Variants in SPANXN3 observed in about 807,000 individuals in gnomAD.
SPANXN3 encodes SPANX family member N3.
SPANXN3 carries 1 observed loss-of-function variant against 1.9 expected under a neutral mutation model. The ratio of observed to expected loss-of-function variants is 0.54; its 90% CI spans 0.19 to 2.54. The LOEUF (loss-of-function observed/expected upper bound fraction) is 2.54, where lower values mean the gene tolerates loss of function less well. Among genes scored for constraint, SPANXN3 ranks in the 30% most tolerant of loss-of-function variants. The probability of loss-of-function intolerance (pLI) is 0.24; values close to 1 mark genes in which losing one functional copy is unlikely to be tolerated. For synonymous variants in SPANXN3, 47 were observed against 40.0 expected, an observed-to-expected ratio of 1.17 and a Z score of -0.66; for missense variants, 113 against 96.2, an observed-to-expected ratio of 1.17 and a Z score of -0.73.
intron 1 of SPANXN3, among the ~76,000 whole-genome samples, chrX:143,514,279 A>T (rs1369128575): frequency 4.5e-5 from 5 of 111,055 alleles, no homozygotes; most frequent in African/African-American, 1.6e-4. Flanking sequence ...ATTCAGGAAA[A>T]AATTGTTTGA....
chrX:143,513,919 C>T (rs1313319257), intron 1 of SPANXN3, among the ~76,000 whole-genome samples: 1 of 112,387 alleles, frequency 8.9e-6, no homozygotes, highest in Non-Finnish European at 1.9e-5. Context: ...CCAGGGCCCT[C>T]ACCCTAGCAA....
chrX:143,514,514 T>C (rs1259293867), intron 1 of SPANXN3, among the ~76,000 whole-genome samples: 1 of 111,229 alleles, frequency 9.0e-6, no homozygotes, highest in African/African-American at 3.3e-5. Context: ...ACACACAAGG[T>C]CTGAGGACAC....
chrX:143,516,435 T>C (rs1345729019), intron 1 of SPANXN3, among the ~76,000 whole-genome samples: 2 of 111,825 alleles, frequency 1.8e-5, no homozygotes, highest in Non-Finnish European at 3.8e-5. Context: ...CCATCCAGGT[T>C]CCTTTAGTAG....
At chrX:143,512,900 G>A (rs1213656270) in intron 1 of SPANXN3, among the ~76,000 whole-genome samples, 3 of 110,963 alleles carry the variant, frequency 2.7e-5, no homozygotes, top group Non-Finnish European at 5.7e-5. Flanking sequence ...CACCACTTAG[G>A]TTTTAAACTT....
At chrX:143,512,237 T>G (rs1297717710) in intron 1 of SPANXN3, among the ~76,000 whole-genome samples, 12 of 104,180 alleles carry the variant, frequency 1.2e-4, no homozygotes, top group African/African-American at 4.1e-4. Flanking sequence ...CCTCTCCCCC[T>G]ACTCATCCTC....
At chrX:143,510,762 A>T (rs782044011) in intron 1 of SPANXN3, among the ~76,000 whole-genome samples, 4 of 109,435 alleles carry the variant, frequency 3.7e-5, no homozygotes, top group Non-Finnish European at 7.6e-5. Flanking sequence ...CTGAATTTCA[A>T]CCTGGCCAAC....
intron 1 of SPANXN3, among the ~76,000 whole-genome samples, chrX:143,510,421 T>C (rs1556411529): frequency 5.4e-5 from 6 of 110,819 alleles, no homozygotes. Context: ...TGGAATCCAG[T>C]ACTCACTTTC....
chrX:143,509,469 AG>A (rs1225575823), intron 1 of SPANXN3: 1 of 257,765 alleles, frequency 3.9e-6, no homozygotes, highest in East Asian at 6.9e-5. Flanking sequence ...CCTGACCACA[AG>A]GTGGACAAAG....
intron 1 of SPANXN3, among the ~76,000 whole-genome samples, chrX:143,510,830 C>T (rs1164717549): frequency 7.3e-5 from 8 of 109,759 alleles, no homozygotes; most frequent in African/African-American, 1.3e-4. Context: ...CCTTCGGATC[C>T]GGCTCCTCCA....
At chrX:143,517,219 G>T in intron 1 of SPANXN3, 95 bp downstream of exon 1, 1 of 1,001,274 alleles carries the variant, frequency 1.0e-6, no homozygotes, top group African/African-American at 1.9e-5. Flanking sequence ...ACTTCCACAG[G>T]TGTCTGCAGT....
chrX:143,512,511 C>T (rs868927495), intron 1 of SPANXN3, among the ~76,000 whole-genome samples: 1 of 111,478 alleles, frequency 9.0e-6, no homozygotes. Context: ...GGGACTTACC[C>T]CTTTGTCCAG....
intron 1 of SPANXN3, among the ~76,000 whole-genome samples, chrX:143,512,083 C>G (rs1270189623): frequency 1.8e-5 from 2 of 111,154 alleles, no homozygotes; most frequent in African/African-American, 6.6e-5. Flanking sequence ...ATTCAACAGC[C>G]CCCTTCACCC....
chrX:143,511,173 C>T (rs782651150), intron 1 of SPANXN3, among the ~76,000 whole-genome samples: 312 of 110,975 alleles, frequency 2.8e-3, no homozygotes, highest in Non-Finnish European at 3.2e-3. Flanking sequence ...CACATATTTA[C>T]GGGTGCCCAG....
chrX:143,515,777 C>G (rs1556412388), intron 1 of SPANXN3, among the ~76,000 whole-genome samples: 1 of 111,684 alleles, frequency 9.0e-6, no homozygotes, highest in East Asian at 2.8e-4. Flanking sequence ...CCAAAATAAG[C>G]CTGCATCTCA....
In SPANXN3 at chrX:143,517,382, G is replaced by T. The variant is rs1556412889; in HGVS notation, c.10C>A (p.Pro4Thr). ...TTCTCCCCATTGGTGCTGGAAGTTG[G>T]CTGTTCCATGATTCTGGTTGGTTGT... MEQ[P>T]TSSTNGEKTK... The change falls in exon 1 of 2, where the codon CCA becomes ACA. Residue 4 changes from proline to threonine, a missense_variant. Pro to Thr is a conservative substitution (Grantham distance 38). Coordinates refer to ENST00000370503, the MANE Select transcript of SPANXN3 (RefSeq NM_001009609.4). The T allele has an allele frequency of 1.7e-6, 2 of 1,211,221 alleles. No homozygotes were observed. The highest frequency in any genetic ancestry group is 1.8e-5 in the South Asian group (1 of 56,946).
chrX:143,513,294 C>T (rs1929138563), intron 1 of SPANXN3, among the ~76,000 whole-genome samples: 2 of 111,924 alleles, frequency 1.8e-5, no homozygotes, highest in Admixed American at 9.4e-5. Context: ...CTCACCAAGC[C>T]CGTTACTTTG....
chrX:143,516,347 C>T (rs782603827), intron 1 of SPANXN3, among the ~76,000 whole-genome samples: 1 of 112,435 alleles, frequency 8.9e-6, no homozygotes, highest in Non-Finnish European at 1.9e-5. Flanking sequence ...ACTCTTATCT[C>T]TGCCTACTGG....
chrX:143,510,349 G>A lies in SPANXN3; in HGVS notation c.79-1187C>T, dbSNP rs182943924. On this transcript the variant is annotated intron_variant, in intron 1 of 1. Coordinates refer to ENST00000370503, the MANE Select transcript of SPANXN3 (RefSeq NM_001009609.4). ...GAACACTTGCCATTCTGGCCGCTCCGTCCTCTGGGGAGCATGAATAGCTAT... is the reference window on the plus strand; with the variant it reads ...GAACACTTGCCATTCTGGCCGCTCCATCCTCTGGGGAGCATGAATAGCTAT... 1.1e-4 allele frequency among the ~76,000 whole-genome samples: 12 copies of A among 110,941 alleles called. No individual in the cohort carries two copies. In the East Asian group the frequency reaches 1.7e-3, roughly 16 times the overall value.
chrX:143,508,735 T>C lies in SPANXN3; in HGVS notation c.*80A>G. 1.2e-6 allele frequency: 1 copy of C among 856,766 alleles called. No individual in the cohort carries two copies. Among genetic ancestry groups the C allele is most frequent in the Non-Finnish European group, 1.7e-6 (1 of 595,630 alleles). The allele number at this position is 856,766 out of a possible 1,213,427, so 70.6% of individuals were successfully genotyped here. On this transcript the variant is annotated 3_prime_UTR_variant, in exon 2 of 2. Transcript: ENST00000370503. Reference sequence around the variant, plus strand: ...CAACAGGCAGAGATAAACACAGTCATCAGCTCCTTAAACTTGATTTTATTG... The same window carrying C: ...CAACAGGCAGAGATAAACACAGTCACCAGCTCCTTAAACTTGATTTTATTG...
Sources: gnomAD v4.1 joint callset for allele counts (sites outside exome capture counted in the v4.1 genomes callset) on GRCh38, gnomAD v4.1.1 for gene constraint, MANE v1.5 for transcripts, NCBI Gene and HGNC (gene_info 2026-07-23, HGNC 2026-07-21) for gene names.